The following AKAP14 variants were observed in gnomAD, a reference collection of about 807,000 sequenced individuals.
AKAP14 encodes A-kinase anchoring protein 14.
In AKAP14, 4 loss-of-function variants were observed where a neutral mutation model predicts 17.0. That is an observed-to-expected ratio of 0.23 (90% CI 0.12 to 0.54). The LOEUF is 0.54. Ranked by LOEUF, AKAP14 falls within the 20% of genes least tolerant of loss-of-function variation. The probability of loss-of-function intolerance (pLI) is 0.95; values close to 1 mark genes in which losing one functional copy is unlikely to be tolerated. For missense variants in AKAP14, 129 were observed against 150.9 expected, an observed-to-expected ratio of 0.85 and a Z score of 0.76; for synonymous variants, 42 against 51.3, an observed-to-expected ratio of 0.82 and a Z score of 0.77.
intron 4 of AKAP14, among the ~76,000 whole-genome samples, chrX:119,912,598 C>G (rs2056633586): frequency 9.3e-6 from 1 of 107,926 alleles, no homozygotes; most frequent in Non-Finnish European, 1.9e-5. Context: ...ATGGCATGAT[C>G]TTGGCTCACT....
chrX:119,916,457 T>TATC (rs1222192700), intron 5 of AKAP14, among the ~76,000 whole-genome samples: 6 of 107,826 alleles, frequency 5.6e-5, no homozygotes, highest in African/African-American at 1.7e-4. Context: ...TCTATCTATC[T>TATC]ATCTATCTAT....
intron 2 of AKAP14, among the ~76,000 whole-genome samples, chrX:119,899,445 G>A (rs1384027420): frequency 1.8e-5 from 2 of 111,457 alleles, no homozygotes; most frequent in Non-Finnish European, 3.8e-5. Flanking sequence ...AGATTGCAGG[G>A]CAACAGAGGA....
At position 119,920,564 on chromosome X, in the gene AKAP14, A is replaced by G. The variant is rs2056683612; in HGVS notation, c.551A>G (p.Tyr184Cys). 1 of 1,208,298 alleles carries G rather than the reference A, an allele frequency of 8.3e-7. No individual in the cohort carries two copies. The highest frequency in any genetic ancestry group is 1.8e-5 in the South Asian group (1 of 56,682). Residue 184 changes from tyrosine to cysteine, a missense_variant, in exon 7 of 7, where the codon TAT becomes TGT. Physicochemically the swap from Tyr to Cys is radical, Grantham distance 194 (BLOSUM62 -2). Coordinates refer to ENST00000371431, the MANE Select transcript of AKAP14 (RefSeq NM_178813.6). Reference protein sequence around the residue: ...NWQKNLTDAKYSFMESFPFLF... With the variant: ...NWQKNLTDAKCSFMESFPFLF... ...CAGAAGAATCTTACTGATGCCAAATATAGTTTCATGGAGTCATTCCCCTTC... is the reference window on the plus strand; with the variant it reads ...CAGAAGAATCTTACTGATGCCAAATGTAGTTTCATGGAGTCATTCCCCTTC...
At chrX:119,904,780 G>A (rs1381624203) in intron 4 of AKAP14, among the ~76,000 whole-genome samples, 1 of 111,557 alleles carries the variant, frequency 9.0e-6, no homozygotes. Context: ...CTACTCGGGA[G>A]GCTGAGGCAG....
At chrX:119,896,371 C>T (rs2056526780) in intron 2 of AKAP14, 104 bp downstream of exon 2, 1 of 103,844 alleles carries the variant, frequency 9.6e-6, no homozygotes, top group Non-Finnish European at 2.0e-5. Flanking sequence ...CCCATCTCTT[C>T]CTACCCACCC....
At chrX:119,901,064 A>G (rs1377231023) in intron 2 of AKAP14, among the ~76,000 whole-genome samples, 4 of 112,145 alleles carry the variant, frequency 3.6e-5, no homozygotes, top group Non-Finnish European at 7.5e-5. Flanking sequence ...GATTATAGCT[A>G]TCATTTATGA....
intron 5 of AKAP14, among the ~76,000 whole-genome samples, chrX:119,918,718 T>C (rs948928975): frequency 8.9e-6 from 1 of 112,036 alleles, no homozygotes; most frequent in Non-Finnish European, 1.9e-5. Context: ...ATAGCTGGTG[T>C]GAAAAGAGCC....
intron 4 of AKAP14, among the ~76,000 whole-genome samples, chrX:119,912,314 G>A (rs2147835645): frequency 9.0e-6 from 1 of 111,289 alleles, no homozygotes; most frequent in South Asian, 3.7e-4. Flanking sequence ...TTGTGGGTGG[G>A]GGATTGGAGA....
intron 4 of AKAP14, 154 bp downstream of exon 4, chrX:119,903,740 A>G: frequency 1.0e-6 from 1 of 1,000,022 alleles, no homozygotes; most frequent in South Asian, 2.2e-5. Context: ...TCTCAGTTCC[A>G]AAATCAAGGT....
At chrX:119,897,350 G>A (rs901941015) in intron 2 of AKAP14, among the ~76,000 whole-genome samples, 13 of 108,524 alleles carry the variant, frequency 1.2e-4, no homozygotes, top group South Asian at 8.0e-4. Context: ...TAGTAGAGAC[G>A]GGGTTTCACT....
intron 5 of AKAP14, among the ~76,000 whole-genome samples, chrX:119,915,240 A>G (rs1288179702): frequency 9.0e-6 from 1 of 111,553 alleles, no homozygotes; most frequent in African/African-American, 3.3e-5. Context: ...TTCCAGTCTC[A>G]TAGCTTTAAA....
intron 5 of AKAP14, among the ~76,000 whole-genome samples, chrX:119,919,437 G>A (rs920965127): frequency 6.2e-5 from 7 of 112,285 alleles, no homozygotes; most frequent in East Asian, 5.6e-4. Context: ...TTTGGGGAAC[G>A]GAGGTTTAAA....
chrX:119,909,645 A>C (rs1422769376), intron 4 of AKAP14, among the ~76,000 whole-genome samples: 2 of 107,184 alleles, frequency 1.9e-5, no homozygotes, highest in Non-Finnish European at 3.9e-5. Flanking sequence ...GCTCGTGCCT[A>C]TAATCCCAGC....
chrX:119,906,321 G>A lies in AKAP14; in HGVS notation c.261+2735G>A, dbSNP rs368184151. 1.7e-3 allele frequency among the ~76,000 whole-genome samples: 153 copies of A among 87,709 alleles called. 6 individuals are homozygous for A. The South Asian group carries it at 0.066, about 38-fold the overall frequency. The allele number at this position is 87,709 out of a possible 115,157, so 76.2% of individuals were successfully genotyped here. Reference sequence around the variant, plus strand: ...GTGATCTTGGCTCACTGCACCCTCCGCCTCCTAGGTTCAAGTGATTCTCCT... The same window carrying A: ...GTGATCTTGGCTCACTGCACCCTCCACCTCCTAGGTTCAAGTGATTCTCCT... On this transcript the variant is annotated intron_variant, in intron 4 of 6. Transcript: ENST00000371431.
intron 4 of AKAP14, among the ~76,000 whole-genome samples, chrX:119,911,643 A>G: frequency 9.0e-6 from 1 of 111,573 alleles, no homozygotes. Flanking sequence ...AAACATGGGG[A>G]ATAGTGCTAG....
In AKAP14 at chrX:119,920,684, A is replaced by C; in HGVS notation, c.*77A>C. ...ACAATACAGCACGTCAAACCACAGA[A>C]TATTTATTGAGTAATAAACTTGTGG... On this transcript the variant is annotated 3_prime_UTR_variant, in exon 7 of 7. Transcript: ENST00000371431. 1.3e-6 allele frequency: 1 copy of C among 743,230 alleles called. No individual in the cohort carries two copies. Among genetic ancestry groups the C allele is most frequent in the South Asian group, 3.2e-5 (1 of 31,219 alleles). The allele number at this position is 743,230 out of a possible 1,213,427, so 61.3% of individuals were successfully genotyped here.
At chrX:119,896,602 C>T (rs1435217121) in intron 2 of AKAP14, among the ~76,000 whole-genome samples, 1 of 111,274 alleles carries the variant, frequency 9.0e-6, no homozygotes, top group Non-Finnish European at 1.9e-5. Context: ...CTGGGCACTG[C>T]TCCCCATCTT....
rs780918018 is a variant in AKAP14 at position 119,903,210 on chromosome X, C to A, written c.-10-4C>A. ...GGCACACAGTAACTTCTTTTTTTCC[C>A]CAGGAAAAAGAAAATGAGTGAGACT... On this transcript the variant is annotated splice_region_variant and splice_polypyrimidine_tract_variant and intron_variant, in intron 2 of 6. Coordinates refer to ENST00000371431, the MANE Select transcript of AKAP14 (RefSeq NM_178813.6). 7 of 1,202,982 alleles carry A rather than the reference C, an allele frequency of 5.8e-6. No homozygotes were observed. In the East Asian group the frequency reaches 1.8e-4, roughly 31 times the overall value.
At chrX:119,912,210 C>A (rs762984168) in intron 4 of AKAP14, among the ~76,000 whole-genome samples, 1 of 111,888 alleles carries the variant, frequency 8.9e-6, no homozygotes, top group East Asian at 2.8e-4. Context: ...GGATTACAGG[C>A]GTGAGCCACT....
Sources: gnomAD v4.1 joint callset for allele counts (sites outside exome capture counted in the v4.1 genomes callset) on GRCh38, gnomAD v4.1.1 for gene constraint, MANE v1.5 for transcripts, NCBI Gene and HGNC (gene_info 2026-07-23, HGNC 2026-07-21) for gene names.